The following NKAIN3 variants were observed in gnomAD, a reference collection of about 807,000 sequenced individuals.
NKAIN3 encodes the protein sodium/potassium transporting ATPase interacting 3.
Under a neutral mutation model 30.2 loss-of-function variants are expected in NKAIN3, and 25 were observed. That is an observed-to-expected ratio of 0.83 (90% CI 0.60 to 1.16). The LOEUF (loss-of-function observed/expected upper bound fraction) is 1.16, where lower values mean the gene tolerates loss of function less well. Ranked by LOEUF, NKAIN3 falls within the 50% of genes most tolerant of loss-of-function variation. The pLI, the probability that NKAIN3 is intolerant of heterozygous loss-of-function variation, is 0.00. For synonymous variants in NKAIN3, 91 were observed against 89.6 expected (o/e 1.02, Z -0.09); for missense variants, 225 against 254.1 (o/e 0.89, Z 0.78).
chr8:62,768,458 G>A (rs912332874), intron 4 of NKAIN3, among the ~76,000 whole-genome samples: 22 of 152,120 alleles, frequency 1.4e-4, no homozygotes, highest in African/African-American at 5.3e-4. Flanking sequence ...TACAGACAAA[G>A]TAGAGACTTC....
intron 1 of NKAIN3, among the ~76,000 whole-genome samples, chr8:62,350,621 A>G (rs1644049446): frequency 6.6e-6 from 1 of 152,182 alleles, no homozygotes; most frequent in South Asian, 2.1e-4. Context: ...GTTAAATTTT[A>G]TGTTATGTAT....
chr8:62,565,364 G>A lies in NKAIN3; in HGVS notation c.55-14175G>A, dbSNP rs574174203. Among the ~76,000 whole-genome samples the A allele has an allele frequency of 8.3e-5, 10 of 120,034 alleles. No individual in the cohort carries two copies. In the East Asian group the frequency reaches 1.9e-3, roughly 22 times the overall value. 78.7% of individuals were successfully genotyped at this position (120,034 alleles called of 152,430 possible). ...TATGTATACATGGGCATACGTGTGT[G>A]CGTGTGTGTGTGTGTGTGTGACAGA... On this transcript the variant is annotated intron_variant, in intron 1 of 6. Coordinates refer to ENST00000623646, the MANE Select transcript of NKAIN3 (RefSeq NM_001304533.3).
intron 4 of NKAIN3, among the ~76,000 whole-genome samples, chr8:62,866,890 CA>C (rs59832626): frequency 0.076 from 9,547 of 125,856 alleles, 582 homozygotes; most frequent in East Asian, 0.29. Context: ...ACTAAAAATA[CA>C]AAAAAAAAAA....
intron 4 of NKAIN3, among the ~76,000 whole-genome samples, chr8:62,778,724 A>T (rs929524930): frequency 3.6e-4 from 54 of 151,978 alleles, no homozygotes; most frequent in African/African-American, 1.3e-3. Flanking sequence ...GCTGGTATCT[A>T]AGCTACCAGA....
chr8:62,393,036 A>G lies in NKAIN3; in HGVS notation c.54+143909A>G, dbSNP rs544196955. 8.6e-5 allele frequency among the ~76,000 whole-genome samples: 13 copies of G among 151,712 alleles called. No individual in the cohort carries two copies. In the South Asian group the frequency reaches 2.7e-3, roughly 32 times the overall value. ...AACATGGTGCAGGTCTCTAAATTTC[A>G]GTAGAATCGCTGGTCATACTTAGTG... is the stretch of plus-strand genomic sequence containing the variant. On this transcript the variant is annotated intron_variant, in intron 1 of 6. Coordinates refer to ENST00000623646, the MANE Select transcript of NKAIN3 (RefSeq NM_001304533.3).
chr8:62,281,645 T>G (rs946026184), intron 1 of NKAIN3, among the ~76,000 whole-genome samples: 5 of 152,228 alleles, frequency 3.3e-5, no homozygotes, highest in African/African-American at 9.6e-5. Flanking sequence ...CAGTAGTCAT[T>G]CAGGAGCAGG....
chr8:62,409,779 A>G (rs1804182421), intron 1 of NKAIN3, among the ~76,000 whole-genome samples: 1 of 152,030 alleles, frequency 6.6e-6, no homozygotes, highest in Non-Finnish European at 1.5e-5. Flanking sequence ...ACTAATTTTT[A>G]AAATTATTTA....
chr8:62,985,183 C>A (rs1262400540), downstream of NKAIN3, among the ~76,000 whole-genome samples: 3 of 152,204 alleles, frequency 2.0e-5, no homozygotes, highest in Non-Finnish European at 4.4e-5. Context: ...GCTTCCCCAC[C>A]AATGCCCCTG....
At chr8:62,657,425 T>A (rs1355946854) in intron 3 of NKAIN3, among the ~76,000 whole-genome samples, 3 of 152,204 alleles carry the variant, frequency 2.0e-5, no homozygotes, top group Non-Finnish European at 4.4e-5. Context: ...TTAGCCAATC[T>A]CAAGAGCAAG....
chr8:62,804,642 G>A (rs1376510145), intron 4 of NKAIN3, among the ~76,000 whole-genome samples: 14 of 152,214 alleles, frequency 9.2e-5, no homozygotes, highest in Admixed American at 9.2e-4. Flanking sequence ...GTATTGATGG[G>A]ATGTACCTCA....
chr8:62,348,263 T>A (rs1351763933), intron 1 of NKAIN3, among the ~76,000 whole-genome samples: 1 of 152,164 alleles, frequency 6.6e-6, no homozygotes, highest in Admixed American at 6.6e-5. Flanking sequence ...AAGAATAAAT[T>A]ATTCGACTTA....
intron 1 of NKAIN3, among the ~76,000 whole-genome samples, chr8:62,281,580 G>T (rs1356857313): frequency 3.3e-5 from 5 of 152,016 alleles, no homozygotes; most frequent in Non-Finnish European, 7.4e-5. Context: ...TTGTGTCTTT[G>T]TTCTCATTGG....
chr8:62,698,447 T>G (rs1247660276), intron 3 of NKAIN3, among the ~76,000 whole-genome samples: 1 of 152,154 alleles, frequency 6.6e-6, no homozygotes, highest in African/African-American at 2.4e-5. Context: ...GGACAAAAAC[T>G]TCAGCTGTGG....
At chr8:62,365,936 TC>T (rs1171980621) in intron 1 of NKAIN3, among the ~76,000 whole-genome samples, 3 of 152,216 alleles carry the variant, frequency 2.0e-5, no homozygotes, top group African/African-American at 7.2e-5. Context: ...TTGGACGTAT[TC>T]CCCCCGCTTG....
At chr8:62,863,943 AGGTGGC>A in intron 4 of NKAIN3, 3 of 980,476 alleles carry the variant, frequency 3.1e-6, no homozygotes, top group East Asian at 2.4e-5. Flanking sequence ...GGTCTGCCAA[AGGTGGC>A]GGTGGTGGTG....
intron 4 of NKAIN3, among the ~76,000 whole-genome samples, chr8:62,907,663 G>A (rs927981039): frequency 1.4e-4 from 21 of 152,206 alleles, no homozygotes; most frequent in Non-Finnish European, 2.8e-4. Context: ...TCAGGCTGTT[G>A]TTTCAGAGGG....
At chr8:62,942,885 C>G (rs1430013237) in intron 5 of NKAIN3, among the ~76,000 whole-genome samples, 1 of 152,006 alleles carries the variant, frequency 6.6e-6, no homozygotes, top group African/African-American at 2.4e-5. Flanking sequence ...AAAAGAAACT[C>G]AAGATGAATC....
intron 1 of NKAIN3, among the ~76,000 whole-genome samples, chr8:62,350,801 A>T (rs1401136502): frequency 6.6e-6 from 1 of 151,748 alleles, no homozygotes; most frequent in Admixed American, 6.6e-5. Flanking sequence ...AGCGATTCTC[A>T]TGCCTCAGCT....
intron 3 of NKAIN3, among the ~76,000 whole-genome samples, chr8:62,621,324 CTGTTT>C (rs1563487379): frequency 6.6e-6 from 1 of 151,964 alleles, no homozygotes; most frequent in Admixed American, 6.6e-5. Flanking sequence ...CTCTGCAGTT[CTGTTT>C]TGTTGTTACT....
Sources: allele counts gnomAD v4.1 joint callset (sites outside exome capture counted in the v4.1 genomes callset), GRCh38; gene constraint gnomAD v4.1.1; transcripts MANE v1.5; gene names NCBI Gene and HGNC (gene_info 2026-07-23, HGNC 2026-07-21).